Variants in SFTPD observed in about 807,000 individuals in gnomAD.
SFTPD encodes the protein surfactant protein D.
SFTPD carries 18 observed loss-of-function variants against 34.6 expected under a neutral mutation model. That is an observed-to-expected ratio of 0.52 (90% CI 0.36 to 0.77). The LOEUF is 0.77. Among genes scored for constraint, SFTPD ranks in the 30% least tolerant of loss-of-function variants. The pLI is 0.00. For synonymous variants in SFTPD, 155 were observed against 180.9 expected, an observed-to-expected ratio of 0.86 and a Z score of 1.15; for missense variants, 433 against 468.9, an observed-to-expected ratio of 0.92 and a Z score of 0.71.
Position 79,937,971 on chromosome 10 carries a change from A to C in SFTPD, c.1009T>G (p.Trp337Gly). The change falls in exon 8 of 8, where the codon TGG becomes GGG. Residue 337 changes from tryptophan (W) to glycine (G), a missense_variant. Trp to Gly is a radical substitution (Grantham distance 184, BLOSUM62 -2). Coordinates refer to ENST00000372292, the MANE Select transcript of SFTPD (RefSeq NM_003019.5). ...TCATCGTTGGGCTCCCCTGGGGCCC[A>C]GTTGGAATAGACCAGGGACTCTCCT... ...PTGESLVYSNWAPGEPNDDGG... is the reference protein window; with the variant it reads ...PTGESLVYSNGAPGEPNDDGG... The C allele has an allele frequency of 6.2e-7, 1 of 1,613,742 alleles. No individual in the cohort carries two copies. The highest frequency in any genetic ancestry group is 8.5e-7 in the Non-Finnish European group (1 of 1,179,704).
intron 1 of SFTPD, among the ~76,000 whole-genome samples, chr10:79,956,848 GCCT>G (rs1279566237): frequency 2.6e-5 from 4 of 152,224 alleles, no homozygotes; most frequent in Non-Finnish European, 5.9e-5. Context: ...CGGGCAGACT[GCCT>G]CCTCAAGTGG....
upstream of SFTPD, among the ~76,000 whole-genome samples, chr10:79,952,221 C>T (rs1350462381): frequency 6.6e-6 from 1 of 152,236 alleles, no homozygotes; most frequent in Non-Finnish European, 1.5e-5. Flanking sequence ...AAACTCTGCC[C>T]TTCGTGCAAG....
upstream of SFTPD, among the ~76,000 whole-genome samples, chr10:79,952,876 C>T (rs1439571763): frequency 6.6e-6 from 1 of 152,212 alleles, no homozygotes; most frequent in East Asian, 1.9e-4. Flanking sequence ...GACAGCAATG[C>T]CTGGGCTCAC....
chr10:79,969,728 A>T (rs1188656088), intron 1 of SFTPD: 1 of 151,932 alleles, frequency 6.6e-6, no homozygotes, highest in Admixed American at 6.6e-5. Context: ...AGATCATTTC[A>T]CATTTTAAAT....
At chr10:79,982,226 A>G (rs1223967786) in intron 1 of SFTPD, 7 of 647,868 alleles carry the variant, frequency 1.1e-5, no homozygotes, top group African/African-American at 5.8e-5. Flanking sequence ...ACCTTCCAGT[A>G]GCAACGGAGG....
intron 2 of SFTPD, among the ~76,000 whole-genome samples, chr10:79,945,686 AAAT>A (rs1295277682): frequency 6.6e-6 from 1 of 152,212 alleles, no homozygotes; most frequent in Non-Finnish European, 1.5e-5. Context: ...ACTCAAGAAA[AAAT>A]AAAGCCTTTG....
chr10:79,953,031 A>G (rs954368068), upstream of SFTPD, among the ~76,000 whole-genome samples: 1 of 152,162 alleles, frequency 6.6e-6, no homozygotes, highest in African/African-American at 2.4e-5. Flanking sequence ...CTTCTTTTTC[A>G]GCACCACAGC....
chr10:79,941,282 C>A, intron 6 of SFTPD, 116 bp downstream of exon 6: 2 of 876,290 alleles, frequency 2.3e-6, no homozygotes, highest in Admixed American at 2.2e-5. Flanking sequence ...TTCCACCCAC[C>A]AGCTGCCATT....
chr10:79,981,635 C>T (rs553773534), intron 1 of SFTPD, among the ~76,000 whole-genome samples: 3 of 152,278 alleles, frequency 2.0e-5, no homozygotes, highest in East Asian at 3.9e-4. Flanking sequence ...GCGCACCGCC[C>T]GTTTTTCCTC....
intron 1 of SFTPD, chr10:79,970,862 CTT>C (rs761728327): frequency 1.1e-4 from 16 of 152,094 alleles, no homozygotes; most frequent in Non-Finnish European, 2.4e-4. Flanking sequence ...AATTATTTCT[CTT>C]ACCTAATTGT....
intron 7 of SFTPD, 99 bp from the exon 8 acceptor site, chr10:79,938,327 C>G: frequency 9.2e-7 from 1 of 1,090,666 alleles, no homozygotes; most frequent in Non-Finnish European, 1.3e-6. Context: ...TTTCAGACCT[C>G]CCAAACAGGC....
chr10:79,939,645 C>A (rs1245055355), intron 7 of SFTPD, among the ~76,000 whole-genome samples: 2 of 152,164 alleles, frequency 1.3e-5, no homozygotes, highest in African/African-American at 2.4e-5. Flanking sequence ...GTGTTTCTGT[C>A]ACTGTGCCTC....
chr10:79,942,722 C>A lies in SFTPD; in HGVS notation c.316+41G>T, dbSNP rs748530291. 2.2e-6 allele frequency: 3 copies of A among 1,343,228 alleles called. No individual in the cohort carries two copies. In the South Asian group the frequency reaches 3.5e-5, roughly 16 times the overall value. The allele number at this position is 1,343,228 out of a possible 1,614,324, so 83.2% of individuals were successfully genotyped here. A position where few individuals can be genotyped will look rare whatever the true frequency, so the allele number is the denominator to read the frequency against. The stretch of plus-strand genomic sequence containing the variant: ...CACTGGCATATCCTTGCAGCTGCAC[C>A]ACCACCTGGAAACACCTGAAGTCGA... On this transcript the variant is annotated intron_variant, in intron 3 of 7. Transcript: ENST00000372292.
rs576445351 is a variant in SFTPD, at chr10:79,961,326, C to T, written c.37-14664G>A. 2.9e-3 allele frequency among the ~76,000 whole-genome samples: 443 copies of T among 152,150 alleles called. 5 individuals carry two copies. The highest frequency in any genetic ancestry group is 0.019 in the South Asian group (89 of 4,806). On this transcript the variant is annotated intron_variant, in intron 1 of 5. Coordinates refer to the SFTPD transcript ENST00000444384. ...CTAATTAAACTAAAGAGCTTCTGCA[C>T]GGCAAAAGAAACTACCATCAGAGTG...
chr10:79,949,177 C>T (rs1564531159), upstream of SFTPD: 1 of 152,216 alleles, frequency 6.6e-6, no homozygotes, highest in Non-Finnish European at 1.5e-5. Context: ...CAAAAACTCC[C>T]TTCAAGAAGT....
At chr10:79,977,815 T>G (rs1388929506) in intron 1 of SFTPD, among the ~76,000 whole-genome samples, 1 of 138,682 alleles carries the variant, frequency 7.2e-6, no homozygotes, top group Non-Finnish European at 1.6e-5. Context: ...TTTTCCACCT[T>G]TCTTTCTTCC....
chr10:79,982,189 C>T (rs1842895112), intron 1 of SFTPD: 1 of 469,382 alleles, frequency 2.1e-6, no homozygotes, highest in Non-Finnish European at 3.4e-6. Context: ...AGAGGAGCCG[C>T]ACGCGCACGT....
At chr10:79,959,659 T>C (rs999191887) in intron 1 of SFTPD, among the ~76,000 whole-genome samples, 3 of 152,130 alleles carry the variant, frequency 2.0e-5, no homozygotes, top group Admixed American at 6.5e-5. Context: ...ATCAATAGCT[T>C]ACCAACCAAA....
chr10:79,969,199 G>A (rs546228088), intron 1 of SFTPD: 32 of 152,360 alleles, frequency 2.1e-4, no homozygotes, highest in African/African-American at 6.7e-4. Flanking sequence ...ATAAGGGCCA[G>A]GCATGGTGGC....
Sources: gnomAD v4.1 joint callset for allele counts (sites outside exome capture counted in the v4.1 genomes callset) on GRCh38, gnomAD v4.1.1 for gene constraint, MANE v1.5 for transcripts, NCBI Gene and HGNC (gene_info 2026-07-23, HGNC 2026-07-21) for gene names.